The following DRICH1 variants were observed in gnomAD, a reference collection of about 807,000 sequenced individuals.
The protein encoded by DRICH1 is aspartate rich 1.
Under a neutral mutation model 39.5 loss-of-function variants are expected in DRICH1, and 38 were observed. The observed-to-expected ratio is 0.96, with a 90% CI of 0.74 to 1.26. The LOEUF is 1.26. Ranked by LOEUF, DRICH1 falls within the 50% of genes most tolerant of loss-of-function variation. DRICH1 has a pLI of 0.00. For missense variants in DRICH1, 279 were observed against 270.4 expected, an observed-to-expected ratio of 1.03 and a Z score of -0.22; for synonymous variants, 84 against 99.5, an observed-to-expected ratio of 0.84 and a Z score of 0.93.
intron 7 of DRICH1, 149 bp from the exon 8 acceptor site, chr22:23,617,023 G>C: frequency 1.1e-6 from 1 of 887,378 alleles, no homozygotes; most frequent in Non-Finnish European, 1.8e-6. Context: ...TAGCATAGAG[G>C]ACATGTGTGG....
the DRICH1 span, among the ~76,000 whole-genome samples, chr22:23,595,700 A>T: frequency 6.6e-6 from 1 of 152,212 alleles, no homozygotes; most frequent in Non-Finnish European, 1.5e-5. Flanking sequence ...GCCCCTGAGG[A>T]GATAGGAAAG....
At chr22:23,584,648 C>T in the DRICH1 span, among the ~76,000 whole-genome samples, 58 of 152,318 alleles carry the variant, frequency 3.8e-4, no homozygotes, top group African/African-American at 1.3e-3. Context: ...CCATTATTTA[C>T]GGCCAGGGTG....
At chr22:23,582,554 G>GTTTATTATTATTATT in the DRICH1 span, among the ~76,000 whole-genome samples, 359 of 40,082 alleles carry the variant, frequency 9.0e-3, 3 homozygotes, top group African/African-American at 0.024. Flanking sequence ...ACCTTCAGGG[G>GTTTATTATTATTATT]CTTATTATTA....
intron 8 of DRICH1, among the ~76,000 whole-genome samples, chr22:23,614,811 G>A (rs994776449): frequency 1.9e-4 from 28 of 149,732 alleles, no homozygotes; most frequent in African/African-American, 6.9e-4. Flanking sequence ...ACACACTTTT[G>A]GACAGCAGCT....
intron 5 of DRICH1, among the ~76,000 whole-genome samples, chr22:23,620,202 C>G (rs768369905): frequency 2.4e-4 from 37 of 152,212 alleles, no homozygotes; most frequent in Admixed American, 4.6e-4. Context: ...TCCCTCACCT[C>G]CCAAGCAGCA....
chr22:23,586,799 C>G, the DRICH1 span, among the ~76,000 whole-genome samples: 2 of 152,208 alleles, frequency 1.3e-5, no homozygotes, highest in Non-Finnish European at 2.9e-5. Flanking sequence ...CTCGCCTCAG[C>G]CTCCCAAAGT....
At chr22:23,610,516 C>G (rs1926973077) in intron 11 of DRICH1, 2 of 152,324 alleles carry the variant, frequency 1.3e-5, no homozygotes, top group East Asian at 3.9e-4. Flanking sequence ...TTAGGCCTCC[C>G]TGTTCTGTCC....
At chr22:23,605,020 T>C (rs1460255895), downstream of DRICH1, among the ~76,000 whole-genome samples, 2 of 152,234 alleles carry the variant, frequency 1.3e-5, no homozygotes, top group African/African-American at 4.8e-5. Context: ...CTCTGCGATA[T>C]GAGCTGAGTG....
intron 1 of DRICH1, among the ~76,000 whole-genome samples, chr22:23,629,508 G>T (rs1237747857): frequency 6.6e-6 from 1 of 152,210 alleles, no homozygotes; most frequent in Admixed American, 6.5e-5. Context: ...TGGTGCAAGA[G>T]GTCTCCAATG....
the DRICH1 span, among the ~76,000 whole-genome samples, chr22:23,590,271 C>T: frequency 6.8e-6 from 1 of 146,770 alleles, no homozygotes; most frequent in African/African-American, 2.6e-5. Flanking sequence ...TGTATTTCAG[C>T]CCTTTGATTT....
chr22:23,598,488 G>T, the DRICH1 span, among the ~76,000 whole-genome samples: 2 of 152,202 alleles, frequency 1.3e-5, no homozygotes, highest in Admixed American at 1.3e-4. Context: ...ACTGCCCGAG[G>T]TCAAGGGCTG....
Position 23,608,590 on chromosome 22 carries a change from C to G in DRICH1, c.*174G>C, listed in dbSNP as rs148363479. 109 of 670,540 alleles carry G rather than the reference C, an allele frequency of 1.6e-4. No individual in the cohort carries two copies. In the African/African-American group the frequency reaches 1.8e-3, roughly 11 times the overall value. 41.5% of individuals were successfully genotyped at this position (670,540 alleles called of 1,614,324 possible). A position where few individuals can be genotyped will look rare whatever the true frequency, so the allele number is the denominator to read the frequency against. ...TGGGTCCTGGATGGTACAGGCCAAA[C>G]CTAGTGCTGGCGGTGGGTGGGAAGC... On this transcript the variant is annotated 3_prime_UTR_variant, in exon 12 of 12. Coordinates refer to ENST00000317749, the MANE Select transcript of DRICH1 (RefSeq NM_016449.4).
chr22:23,632,261 A>G lies in DRICH1; in HGVS notation c.-238T>C. On this transcript the variant is annotated 5_prime_UTR_variant, in exon 1 of 12. Coordinates refer to ENST00000317749, the MANE Select transcript of DRICH1 (RefSeq NM_016449.4). ...GAACATGACAAGCACCCAAAGGTGC[A>G]AAAACTGCCATCAAAGAGCACAGTT... is the stretch of plus-strand genomic sequence containing the variant. 1 of 603,760 alleles carries G rather than the reference A, an allele frequency of 1.7e-6. No individual in the cohort carries two copies. Among genetic ancestry groups the G allele is most frequent in the Non-Finnish European group, 2.8e-6 (1 of 356,660 alleles). 37.4% of individuals were successfully genotyped at this position (603,760 alleles called of 1,614,324 possible).
chr22:23,586,268 C>T, the DRICH1 span, among the ~76,000 whole-genome samples: 1 of 152,212 alleles, frequency 6.6e-6, no homozygotes, highest in Non-Finnish European at 1.5e-5. Context: ...GCAGAAGGAT[C>T]ACTTGAGCCC....
Position 23,613,271 on chromosome 22 carries a change from T to C in DRICH1, c.685+18A>G, listed in dbSNP as rs201427196. ...GAACCTTTTCCCATTGGGTTTTTGCTGGCACGTAGTTCCCTACCTGGATGA... is the reference window on the plus strand; with the variant it reads ...GAACCTTTTCCCATTGGGTTTTTGCCGGCACGTAGTTCCCTACCTGGATGA... On this transcript the variant is annotated intron_variant, in intron 11 of 11. Transcript: ENST00000317749. 6.9e-4 allele frequency: 1,114 copies of C among 1,608,918 alleles called. No homozygotes were observed. The highest frequency in any genetic ancestry group is 9.2e-4 in the Non-Finnish European group (1,077 of 1,176,588).
chr22:23,590,273 C>CCTCGATTTTT, the DRICH1 span, among the ~76,000 whole-genome samples: 1 of 143,412 alleles, frequency 7.0e-6, no homozygotes, highest in African/African-American at 2.7e-5. Flanking sequence ...TATTTCAGCC[C>CCTCGATTTTT]TTTGATTTTT....
At chr22:23,583,675 G>C in the DRICH1 span, 1 of 152,356 alleles carries the variant, frequency 6.6e-6, no homozygotes, top group Non-Finnish European at 1.5e-5. Context: ...GTGCTGAGCA[G>C]TAATGGGATG....
chr22:23,591,481 T>A, the DRICH1 span, among the ~76,000 whole-genome samples: 5 of 152,300 alleles, frequency 3.3e-5, no homozygotes, highest in Admixed American at 1.3e-4. Flanking sequence ...TCTCGCTGTC[T>A]GAGAACGTGA....
the DRICH1 span, among the ~76,000 whole-genome samples, chr22:23,582,814 G>A: frequency 6.6e-6 from 1 of 152,068 alleles, no homozygotes; most frequent in Admixed American, 6.6e-5. Context: ...GCCCACCTCA[G>A]CCTCCCAAAG....
Sources: gnomAD v4.1 joint callset for allele counts (sites outside exome capture counted in the v4.1 genomes callset) on GRCh38, gnomAD v4.1.1 for gene constraint, MANE v1.5 for transcripts, NCBI Gene and HGNC (gene_info 2026-07-23, HGNC 2026-07-21) for gene names.